The following HPSE2 variants were observed in gnomAD, a reference collection of about 807,000 sequenced individuals.
HPSE2 encodes the protein heparanase 2 (inactive).
HPSE2 carries 38 observed loss-of-function variants against 60.5 expected under a neutral mutation model. The ratio of observed to expected loss-of-function variants is 0.63; its 90% confidence interval spans 0.48 to 0.82. HPSE2 has a LOEUF of 0.82. HPSE2 is among the 40% of genes least tolerant of loss of function. HPSE2 has a pLI of 0.00. For synonymous variants in HPSE2, 295 were observed against 293.2 expected (o/e 1.01, Z -0.06); for missense variants, 713 against 740.4 (o/e 0.96, Z 0.43).
chr10:98,991,029 CT>C (rs1956510793), intron 3 of HPSE2, among the ~76,000 whole-genome samples: 1 of 152,312 alleles, frequency 6.6e-6, no homozygotes, highest in Non-Finnish European at 1.5e-5. Context: ...CCCACCTCCA[CT>C]TTTTTCTCAT....
chr10:98,770,337 TTGTGTATGTGTGTGCA>T (rs987274885), intron 3 of HPSE2, among the ~76,000 whole-genome samples: 12 of 152,282 alleles, frequency 7.9e-5, no homozygotes, highest in African/African-American at 2.9e-4. Context: ...ATATATGTGT[TTGTGTATGTGTGTGCA>T]TGTGTATGTG....
intron 2 of HPSE2, among the ~76,000 whole-genome samples, chr10:99,193,292 A>C (rs1046343785): frequency 1.2e-4 from 18 of 152,258 alleles, no homozygotes; most frequent in Admixed American, 4.6e-4. Context: ...CAAAAAATAA[A>C]AAGTGAGAAA....
At chr10:99,259,779 A>G in the HPSE2 span, among the ~76,000 whole-genome samples, 1 of 152,176 alleles carries the variant, frequency 6.6e-6, no homozygotes, top group Admixed American at 6.5e-5. Flanking sequence ...GCAACAGGTG[A>G]GCAAGCATTA....
chr10:98,725,888 C>A (rs949194536), intron 4 of HPSE2, among the ~76,000 whole-genome samples: 2 of 152,176 alleles, frequency 1.3e-5, no homozygotes, highest in Non-Finnish European at 2.9e-5. Flanking sequence ...TGAAAAAATG[C>A]TCACCATCAC....
intron 2 of HPSE2, among the ~76,000 whole-genome samples, chr10:99,181,397 C>CAAAAAAAAAAAAAAAAAAAAA (rs58049545): frequency 9.5e-6 from 1 of 104,780 alleles, no homozygotes; most frequent in African/African-American, 5.4e-5. Flanking sequence ...GACTCCGTCT[C>CAAAAAAAAAAAAAAAAAAAAA]AAAAAAAAAA....
At chr10:98,592,771 T>C (rs1318473980) in intron 9 of HPSE2, among the ~76,000 whole-genome samples, 2 of 152,326 alleles carry the variant, frequency 1.3e-5, no homozygotes. Context: ...AAATTCCTTC[T>C]TGCGTTTTAT....
chr10:99,136,081 C>T (rs529993152), intron 3 of HPSE2, among the ~76,000 whole-genome samples: 14 of 152,234 alleles, frequency 9.2e-5, no homozygotes, highest in African/African-American at 3.1e-4. Flanking sequence ...CACAGAAATA[C>T]GAACTACCAT....
In HPSE2 at chr10:98,695,111, TGAGTTTCTCTGGAG is replaced by T. The variant is rs558572327; in HGVS notation, c.957-1178_957-1165del. ...ATTTGCTGTGACAGCAGAAGAGAATTGAGTTTCTCTGGAGGAGTACATAAGAGAAACATAGGGCT... is the reference window on the plus strand; with the variant it reads ...ATTTGCTGTGACAGCAGAAGAGAATTGAGTACATAAGAGAAACATAGGGCT... On this transcript the variant is annotated intron_variant, in intron 5 of 11. Transcript: ENST00000370552. Among the ~76,000 whole-genome samples, 131 of 152,306 alleles carry T rather than the reference TGAGTTTCTCTGGAG, an allele frequency of 8.6e-4. 2 individuals carry two copies. The East Asian group carries it at 0.023, about 27-fold the overall frequency.
rs1052739298 is a variant in HPSE2 at position 98,975,480 on chromosome 10, T to C, written c.610+168758A>G. 3.9e-5 allele frequency among the ~76,000 whole-genome samples: 6 copies of C among 152,212 alleles called. No individual in the cohort carries two copies. In the South Asian group the frequency reaches 1.0e-3, roughly 26 times the overall value. ...CAATAGTCATGTGTTCTGGTATTGT[T>C]TGGGTGACTGCTTTTCATGAAATCT... On this transcript the variant is annotated intron_variant, in intron 3 of 11. Coordinates refer to ENST00000370552, the MANE Select transcript of HPSE2 (RefSeq NM_021828.5).
chr10:98,600,928 T>TATATATATATATA (rs1945404602), intron 9 of HPSE2, among the ~76,000 whole-genome samples: 1 of 70,592 alleles, frequency 1.4e-5, no homozygotes, highest in Admixed American at 2.0e-4. Context: ...TATATATATA[T>TATATATATATATA]ATATATATAT....
intron 2 of HPSE2, among the ~76,000 whole-genome samples, chr10:99,206,249 T>C (rs1331937786): frequency 6.6e-6 from 1 of 152,222 alleles, no homozygotes; most frequent in Non-Finnish European, 1.5e-5. Flanking sequence ...GTTAATCTAC[T>C]GTTCCATAAG....
the HPSE2 span, among the ~76,000 whole-genome samples, chr10:99,301,482 G>C: frequency 6.6e-6 from 1 of 152,186 alleles, no homozygotes; most frequent in Non-Finnish European, 1.5e-5. Flanking sequence ...CCAAGGACTT[G>C]CTCCTCCTTG....
chr10:98,876,491 T>C (rs561758481), intron 3 of HPSE2, among the ~76,000 whole-genome samples: 28 of 152,070 alleles, frequency 1.8e-4, no homozygotes, highest in African/African-American at 6.0e-4. Flanking sequence ...TAAATATTTG[T>C]TGAATGATGA....
chr10:98,672,308 G>T (rs1460536780), intron 6 of HPSE2, among the ~76,000 whole-genome samples: 1 of 152,120 alleles, frequency 6.6e-6, no homozygotes, highest in Non-Finnish European at 1.5e-5. Flanking sequence ...TCTAACAATG[G>T]TATATTCTGT....
At chr10:99,154,772 G>T (rs1220033548) in intron 2 of HPSE2, among the ~76,000 whole-genome samples, 3 of 151,582 alleles carry the variant, frequency 2.0e-5, no homozygotes, top group East Asian at 3.9e-4. Flanking sequence ...TAAATGTAAA[G>T]GGACTAAATG....
intron 3 of HPSE2, among the ~76,000 whole-genome samples, chr10:98,841,086 C>T (rs1315643969): frequency 6.6e-6 from 1 of 152,060 alleles, no homozygotes; most frequent in African/African-American, 2.4e-5. Context: ...GGAGAAACCC[C>T]ATCTCTACTA....
intron 6 of HPSE2, among the ~76,000 whole-genome samples, chr10:98,663,223 C>T (rs1947271245): frequency 6.6e-6 from 1 of 152,122 alleles, no homozygotes; most frequent in East Asian, 1.9e-4. Context: ...CTGCTATGTA[C>T]CAGGCACTGT....
At chr10:99,096,720 C>T (rs968237853) in intron 3 of HPSE2, among the ~76,000 whole-genome samples, 1 of 151,670 alleles carries the variant, frequency 6.6e-6, no homozygotes, top group Non-Finnish European at 1.5e-5. Context: ...TATTTTCCCA[C>T]AGCGGGGGAA....
the HPSE2 span, among the ~76,000 whole-genome samples, chr10:99,293,059 A>G: frequency 3.3e-5 from 5 of 152,124 alleles, no homozygotes; most frequent in Admixed American, 6.5e-5. Context: ...CAAAAGTTCT[A>G]TGGTTTTCCA....
Sources: allele counts gnomAD v4.1 joint callset (sites outside exome capture counted in the v4.1 genomes callset), GRCh38; gene constraint gnomAD v4.1.1; transcripts MANE v1.5; gene names NCBI Gene and HGNC (gene_info 2026-07-23, HGNC 2026-07-21).